IQSEC2: variants seen among roughly 807,000 people sequenced by gnomAD.
The protein encoded by IQSEC2 is IQ motif and Sec7 domain ArfGEF 2, also known as IQ motif and SEC7 domain-containing protein 2.
In IQSEC2, 6 loss-of-function variants were observed where a neutral mutation model predicts 74.6. The ratio of observed to expected loss-of-function variants is 0.08; its 90% CI spans 0.04 to 0.16. The LOEUF (loss-of-function observed/expected upper bound fraction) is 0.16. IQSEC2 is among the 10% of genes least tolerant of loss of function. The probability of loss-of-function intolerance (pLI) is 1.00; values close to 1 mark genes in which losing one functional copy is unlikely to be tolerated. For synonymous variants in IQSEC2, 494 were observed against 544.5 expected, an observed-to-expected ratio of 0.91 and a Z score of 1.29; for missense variants, 734 against 1,306.2, an observed-to-expected ratio of 0.56 and a Z score of 6.75.
intron 1 of IQSEC2, among the ~76,000 whole-genome samples, chrX:53,299,593 C>T (rs1295812814): frequency 1.8e-5 from 2 of 111,028 alleles, no homozygotes; most frequent in African/African-American, 6.6e-5. Flanking sequence ...GATCCCTTTG[C>T]CTGCAGGCCT....
intron 1 of IQSEC2, among the ~76,000 whole-genome samples, chrX:53,301,177 C>T (rs1041451839): frequency 1.9e-4 from 21 of 111,985 alleles, no homozygotes; most frequent in African/African-American, 5.8e-4. Flanking sequence ...TACTGTGAGG[C>T]GGGGGGCATA....
rs2146995317 is a variant in IQSEC2 at position 53,233,034 on chromosome X, G to A, written c.*1185C>T. 1 of 111,738 alleles carries A rather than the reference G, an allele frequency of 8.9e-6. No individual in the cohort carries two copies. The highest frequency in any genetic ancestry group is 3.8e-4 in the South Asian group (1 of 2,630). The allele number at this position is 111,738 out of a possible 1,213,427, so 9.2% of individuals were successfully genotyped here. A position where few individuals can be genotyped will look rare whatever the true frequency, so the allele number is the denominator to read the frequency against. ...TGGCCCTGGCCCTTCGTACAGCCAG[G>A]GTCCATCTGTCTGTCTATACTGCAG... On this transcript the variant is annotated 3_prime_UTR_variant, in exon 15 of 15. Coordinates refer to ENST00000642864, the MANE Select transcript of IQSEC2 (RefSeq NM_001111125.3).
chrX:53,306,093 T>C (rs1602365675), intron 1 of IQSEC2, among the ~76,000 whole-genome samples: 1 of 112,180 alleles, frequency 8.9e-6, no homozygotes, highest in Admixed American at 9.4e-5. Flanking sequence ...TCAGCCATGA[T>C]GGGAAAGAGT....
intron 1 of IQSEC2, among the ~76,000 whole-genome samples, chrX:53,314,363 G>A (rs782038659): frequency 1.6e-4 from 18 of 112,192 alleles, no homozygotes; most frequent in Non-Finnish European, 3.2e-4. Flanking sequence ...CACACAAAAT[G>A]CACTCAGTAT....
At chrX:53,263,723 T>C (rs2074606949) in intron 2 of IQSEC2, among the ~76,000 whole-genome samples, 1 of 111,670 alleles carries the variant, frequency 9.0e-6, no homozygotes, top group Admixed American at 9.5e-5. Flanking sequence ...GCTGACTCAC[T>C]CCTGCCGCTC....
At chrX:53,284,344 C>G (rs2075004760) in intron 2 of IQSEC2, among the ~76,000 whole-genome samples, 1 of 109,999 alleles carries the variant, frequency 9.1e-6, no homozygotes, top group African/African-American at 3.3e-5. Context: ...ATACCTCCAG[C>G]TAGTCTCAGC....
chrX:53,312,027 C>T (rs782815021), intron 1 of IQSEC2, among the ~76,000 whole-genome samples: 3 of 111,683 alleles, frequency 2.7e-5, no homozygotes, highest in African/African-American at 6.5e-5. Flanking sequence ...GACTCCCCTG[C>T]GAGTCTCTCT....
In IQSEC2 at chrX:53,320,638, C is replaced by T; in HGVS notation, c.486G>A (p.Glu162=). Residue 162 remains glutamate (E), a synonymous_variant, in exon 1 of 15, where the codon GAG becomes GAA. Coordinates refer to ENST00000642864, the MANE Select transcript of IQSEC2 (RefSeq NM_001111125.3). The part of the protein sequence containing the change: ...RDVAQCHLHH[E]NPALGRERGG... ...CACGCTCGCGACCCAGGGCTGGGTT[C>T]TCGTGGTGCAGGTGGCACTGGGCCA... is the stretch of plus-strand genomic sequence containing the variant. The T allele has an allele frequency of 1.7e-6, 2 of 1,162,414 alleles. No individual in the cohort carries two copies. Among genetic ancestry groups the T allele is most frequent in the Non-Finnish European group, 2.3e-6 (2 of 870,729 alleles).
rs782704136 is a variant in IQSEC2, at chrX:53,239,184, A to C, written c.3115+11T>G. On this transcript the variant is annotated intron_variant, in intron 11 of 14. Transcript: ENST00000642864. The stretch of plus-strand genomic sequence containing the variant: ...AGACTCTCAGGAGCTGGGATCCAAG[A>C]AGGGACTCACATGAATTCTGGAAGA... 13 of 1,163,203 alleles carry C rather than the reference A, an allele frequency of 1.1e-5. No individual in the cohort carries two copies. In the Admixed American group the frequency reaches 2.8e-4, roughly 25 times the overall value.
intron 2 of IQSEC2, among the ~76,000 whole-genome samples, chrX:53,281,879 T>C (rs1427239836): frequency 4.5e-5 from 5 of 112,067 alleles, no homozygotes; most frequent in African/African-American, 9.7e-5. Flanking sequence ...AGAGGTGAAG[T>C]AATACTGCTA....
chrX:53,255,609 G>C (rs782140228), intron 3 of IQSEC2, among the ~76,000 whole-genome samples, 191 bp downstream of exon 3: 1 of 111,412 alleles, frequency 9.0e-6, no homozygotes, highest in East Asian at 2.8e-4. Flanking sequence ...TTTCTTGAGT[G>C]AATACAAGCC....
At chrX:53,287,432 T>C (rs1481455709) in intron 2 of IQSEC2, among the ~76,000 whole-genome samples, 1 of 112,534 alleles carries the variant, frequency 8.9e-6, no homozygotes, top group Non-Finnish European at 1.9e-5. Context: ...ACACTGACAT[T>C]CAGTGGCACA....
At chrX:53,257,863 T>A (rs1336969780) in intron 2 of IQSEC2, among the ~76,000 whole-genome samples, 1 of 111,792 alleles carries the variant, frequency 8.9e-6, no homozygotes, top group African/African-American at 3.3e-5. Context: ...ATAAAGAAAC[T>A]GAGGCCCAGA....
At chrX:53,316,507 A>T (rs1267667766) in intron 1 of IQSEC2, among the ~76,000 whole-genome samples, 1 of 110,770 alleles carries the variant, frequency 9.0e-6, no homozygotes, top group East Asian at 2.9e-4. Context: ...AGACGACAGC[A>T]TGTGGTAGAC....
intron 2 of IQSEC2, chrX:53,279,195 G>A (rs868984985): frequency 6.6e-6 from 1 of 151,901 alleles, no homozygotes; most frequent in South Asian, 2.9e-4. Flanking sequence ...AAAAAAAAAA[G>A]AAATAACATT....
At chrX:53,268,324 A>G (rs2074690161) in intron 2 of IQSEC2, among the ~76,000 whole-genome samples, 1 of 111,263 alleles carries the variant, frequency 9.0e-6, no homozygotes, top group South Asian at 3.8e-4. Flanking sequence ...TGATGCACAG[A>G]CAAGCACACA....
At chrX:53,275,953 G>A (rs1395165582) in intron 2 of IQSEC2, among the ~76,000 whole-genome samples, 8 of 107,500 alleles carry the variant, frequency 7.4e-5, no homozygotes, top group African/African-American at 2.7e-4. Flanking sequence ...AGCCCACCTC[G>A]GCCTCCCAAA....
intron 2 of IQSEC2, among the ~76,000 whole-genome samples, chrX:53,270,457 C>T (rs1450688393): frequency 9.0e-6 from 1 of 110,941 alleles, no homozygotes; most frequent in African/African-American, 3.3e-5. Flanking sequence ...GGAACATCGT[C>T]CCTGAGAGGT....
chrX:53,289,766 C>T, intron 2 of IQSEC2, among the ~76,000 whole-genome samples: 1 of 111,576 alleles, frequency 9.0e-6, no homozygotes, highest in South Asian at 3.7e-4. Flanking sequence ...TAGGCCCCTA[C>T]AGCCTCCTTG....
Sources: allele counts gnomAD v4.1 joint callset (sites outside exome capture counted in the v4.1 genomes callset), GRCh38; gene constraint gnomAD v4.1.1; transcripts MANE v1.5; gene names NCBI Gene and HGNC (gene_info 2026-07-23, HGNC 2026-07-21).